The following FRMD4A variants were observed in gnomAD, a reference collection of about 807,000 sequenced individuals.
The protein encoded by FRMD4A is FERM domain-containing protein 4A.
A neutral mutation model predicts 129.1 loss-of-function variants in FRMD4A; 29 were observed. The ratio of observed to expected loss-of-function variants is 0.22; its 90% CI spans 0.17 to 0.31. The LOEUF is 0.31. Among genes scored for constraint, FRMD4A ranks in the 10% least tolerant of loss-of-function variants. The pLI is 1.00. For synonymous variants in FRMD4A, 634 were observed against 571.6 expected (o/e 1.11, Z -1.56); for missense variants, 1,272 against 1,375.8 (o/e 0.92, Z 1.19).
intron 2 of FRMD4A, among the ~76,000 whole-genome samples, chr10:13,943,472 A>T (rs2095308163): frequency 6.6e-6 from 1 of 151,704 alleles, no homozygotes; most frequent in Admixed American, 6.6e-5. Context: ...ACATGGTGAA[A>T]CCCTGTCTCT....
intron 2 of FRMD4A, among the ~76,000 whole-genome samples, chr10:14,213,351 GTAATTGCT>G (rs1457006752): frequency 2.0e-5 from 3 of 152,194 alleles, no homozygotes; most frequent in Non-Finnish European, 4.4e-5. Flanking sequence ...AGGTACTCTG[GTAATTGCT>G]CTAAAAGCAT....
intron 2 of FRMD4A, among the ~76,000 whole-genome samples, chr10:14,327,456 G>A (rs1317464800): frequency 6.6e-6 from 1 of 152,222 alleles, no homozygotes; most frequent in Non-Finnish European, 1.5e-5. Flanking sequence ...AGACATCAGA[G>A]AGCACTCTCA....
chr10:13,990,870 C>T (rs904725753), intron 2 of FRMD4A, among the ~76,000 whole-genome samples: 4 of 152,096 alleles, frequency 2.6e-5, no homozygotes, highest in Non-Finnish European at 4.4e-5. Context: ...CCATGAACAC[C>T]GCAATCAGAT....
chr10:13,894,024 G>C (rs1285987133), intron 2 of FRMD4A, among the ~76,000 whole-genome samples: 2 of 152,144 alleles, frequency 1.3e-5, no homozygotes, highest in African/African-American at 4.8e-5. Context: ...AACAGGGATA[G>C]AGAGCTCATT....
intron 15 of FRMD4A, among the ~76,000 whole-genome samples, chr10:13,682,593 C>G (rs554411150): frequency 4.8e-4 from 71 of 149,316 alleles, no homozygotes; most frequent in African/African-American, 1.7e-3. Flanking sequence ...CTCCACCTCC[C>G]GGGTTCAAGT....
rs117505136 is a variant in FRMD4A at position 13,940,783 on chromosome 10, A to G, written c.46-81871T>C. Among the ~76,000 whole-genome samples, 286 of 152,300 alleles carry G rather than the reference A, an allele frequency of 1.9e-3. 3 individuals carry two copies. The highest frequency in any genetic ancestry group is 5.9e-3 in the African/African-American group (247 of 41,570). On this transcript the variant is annotated intron_variant, in intron 2 of 24. Transcript: ENST00000357447. ...CCATTTTATCTTTCCAAGCAGCCCA[A>G]TACTGTTTTCTTATCTATAGATTCA... is the stretch of plus-strand genomic sequence containing the variant.
At chr10:14,289,088 T>A (rs946988075) in intron 2 of FRMD4A, among the ~76,000 whole-genome samples, 1 of 152,228 alleles carries the variant, frequency 6.6e-6, no homozygotes, top group Non-Finnish European at 1.5e-5. Flanking sequence ...TAAGAGTGCC[T>A]ATGTCTCTTC....
intron 3 of FRMD4A, among the ~76,000 whole-genome samples, chr10:13,842,036 G>A (rs2093975748): frequency 6.6e-6 from 1 of 152,132 alleles, no homozygotes; most frequent in Non-Finnish European, 1.5e-5. Context: ...ACGTAACACT[G>A]CAATACCTTG....
chr10:13,865,575 T>TGC (rs2094356590), intron 2 of FRMD4A, among the ~76,000 whole-genome samples: 1 of 151,754 alleles, frequency 6.6e-6, no homozygotes, highest in Non-Finnish European at 1.5e-5. Context: ...CTCAGCCTCC[T>TGC]GAGTATCTGG....
At chr10:13,711,807 G>A (rs112069832) in intron 12 of FRMD4A, 1 of 152,196 alleles carries the variant, frequency 6.6e-6, no homozygotes, top group African/African-American at 2.4e-5. Context: ...ACAAGGCCCA[G>A]AGAAATTAAG....
intron 2 of FRMD4A, among the ~76,000 whole-genome samples, chr10:14,016,682 A>G (rs1054031251): frequency 2.0e-5 from 3 of 151,948 alleles, no homozygotes; most frequent in Admixed American, 6.6e-5. Context: ...ATCCCCATCA[A>G]ATGAAAATCA....
Position 14,308,839 on chromosome 10 carries a change from T to G in FRMD4A, c.45+21219A>C, listed in dbSNP as rs555604486. Among the ~76,000 whole-genome samples the G allele has an allele frequency of 2.0e-4, 31 of 152,320 alleles. No homozygotes were observed. The East Asian group carries it at 5.4e-3, about 26-fold the overall frequency. On this transcript the variant is annotated intron_variant, in intron 2 of 24. Coordinates refer to ENST00000357447, the MANE Select transcript of FRMD4A (RefSeq NM_018027.5). The stretch of plus-strand genomic sequence containing the variant: ...GGGCTTGAAGAAACTGGTCAAATTG[T>G]TTTCACATAAGTTGAAAACGTGACC...
intron 2 of FRMD4A, among the ~76,000 whole-genome samples, chr10:14,155,985 A>T (rs1840576202): frequency 6.6e-6 from 1 of 152,208 alleles, no homozygotes; most frequent in African/African-American, 2.4e-5. Flanking sequence ...GCAATATAGT[A>T]AATGTTAGGA....
intron 2 of FRMD4A, among the ~76,000 whole-genome samples, chr10:14,215,862 G>T (rs531063059): frequency 6.6e-6 from 1 of 152,262 alleles, no homozygotes; most frequent in Admixed American, 6.5e-5. Flanking sequence ...GGGAGTCTCA[G>T]TTGCTACTGT....
At chr10:14,069,236 G>C (rs1375091231) in intron 2 of FRMD4A, among the ~76,000 whole-genome samples, 1 of 152,190 alleles carries the variant, frequency 6.6e-6, no homozygotes, top group Non-Finnish European at 1.5e-5. Context: ...TATGGTGATA[G>C]ACTATGTTAT....
At chr10:14,019,904 T>C (rs1010659158) in intron 2 of FRMD4A, among the ~76,000 whole-genome samples, 4 of 152,244 alleles carry the variant, frequency 2.6e-5, no homozygotes, top group African/African-American at 9.6e-5. Flanking sequence ...TGTTTCTTTT[T>C]TTCCTTTGGG....
chr10:14,137,561 T>A (rs757301638), intron 2 of FRMD4A, among the ~76,000 whole-genome samples: 1 of 152,152 alleles, frequency 6.6e-6, no homozygotes, highest in Non-Finnish European at 1.5e-5. Context: ...AGTGAAGTGA[T>A]TGAAGTTGAG....
intron 6 of FRMD4A, among the ~76,000 whole-genome samples, chr10:13,765,480 T>C (rs1258819860): frequency 6.6e-6 from 1 of 152,152 alleles, no homozygotes; most frequent in Non-Finnish European, 1.5e-5. Context: ...TTTAAAACAA[T>C]GCATTCAAGC....
chr10:13,715,345 C>T (rs2088674697), intron 12 of FRMD4A, among the ~76,000 whole-genome samples: 1 of 152,098 alleles, frequency 6.6e-6, no homozygotes, highest in South Asian at 2.1e-4. Context: ...AGCTGCAATT[C>T]TTTGGAATTT....
Sources: gnomAD v4.1 joint callset for allele counts (sites outside exome capture counted in the v4.1 genomes callset) on GRCh38, gnomAD v4.1.1 for gene constraint, MANE v1.5 for transcripts, NCBI Gene and HGNC (gene_info 2026-07-23, HGNC 2026-07-21) for gene names.